BCAS3: variants seen among roughly 807,000 people sequenced by gnomAD.
BCAS3 encodes the protein BCAS4/BCAS3 fusion.
In BCAS3, 53 loss-of-function variants were observed where a neutral mutation model predicts 116.1. The observed-to-expected ratio is 0.46, with a 90% CI of 0.37 to 0.57. The LOEUF (loss-of-function observed/expected upper bound fraction) is 0.57. Ranked by LOEUF, BCAS3 falls within the 20% of genes least tolerant of loss-of-function variation. BCAS3 has a pLI of 0.00. For synonymous variants in BCAS3, 391 were observed against 408.2 expected, an observed-to-expected ratio of 0.96 and a Z score of 0.51; for missense variants, 917 against 1,165.4, an observed-to-expected ratio of 0.79 and a Z score of 3.10.
chr17:60,854,091 C>A (rs897682372), intron 7 of BCAS3, among the ~76,000 whole-genome samples: 1 of 152,074 alleles, frequency 6.6e-6, no homozygotes, highest in Non-Finnish European at 1.5e-5. Context: ...TGTTGTTCCC[C>A]TTCCTGTGTC....
intron 5 of BCAS3, among the ~76,000 whole-genome samples, chr17:60,746,640 CT>C (rs556167167): frequency 1.3e-5 from 2 of 151,824 alleles, no homozygotes; most frequent in African/African-American, 4.8e-5. Flanking sequence ...ATCCTGGCAG[CT>C]TTTTTTAGCA....
In BCAS3 at chr17:61,217,004, G is replaced by A. The variant is rs773007975; in HGVS notation, c.2425+132440G>A. Among the ~76,000 whole-genome samples, 9 of 151,810 alleles carry A rather than the reference G, an allele frequency of 5.9e-5. No homozygotes were observed. The highest frequency in any genetic ancestry group is 9.7e-5 in the African/African-American group (4 of 41,348). ...TTTCAAGTTAGCACTAGTTTTGGCC[G>A]GGTGGGGTGGCTGACACCTGTAATC... On this transcript the variant is annotated intron_variant, in intron 22 of 23. Coordinates refer to ENST00000407086, the MANE Select transcript of BCAS3 (RefSeq NM_017679.5). This position sits in a 1 kb window ranked among gnomAD's most constrained non-coding sequence, Gnocchi z 5.2.
chr17:61,044,984 T>G (rs2067911126), intron 19 of BCAS3, among the ~76,000 whole-genome samples: 1 of 151,850 alleles, frequency 6.6e-6, no homozygotes, highest in East Asian at 1.9e-4. Context: ...ACGGTCTTGA[T>G]CTCCTGACCT....
At chr17:60,703,007 G>T (rs139934568) in intron 4 of BCAS3, among the ~76,000 whole-genome samples, 6 of 152,076 alleles carry the variant, frequency 3.9e-5, no homozygotes, top group Non-Finnish European at 8.8e-5. Context: ...GGGCGCGGTG[G>T]CTCATGGCTG....
In BCAS3 at chr17:61,028,549, T is replaced by C. The variant is rs987762884; in HGVS notation, c.1638-6117T>C. Among the ~76,000 whole-genome samples, 6 of 151,868 alleles carry C rather than the reference T, an allele frequency of 4.0e-5. No individual in the cohort carries two copies. The highest frequency in any genetic ancestry group is 4.4e-5 in the Non-Finnish European group (3 of 67,822). ...CTTCTAAGTACAAAGCAAAGAGTTG[T>C]AGTATGTTAATAAAGATTGAAGTTT... On this transcript the variant is annotated intron_variant, in intron 16 of 23. Coordinates refer to ENST00000407086, the MANE Select transcript of BCAS3 (RefSeq NM_017679.5). This position sits in a 1 kb window ranked among gnomAD's most constrained non-coding sequence, Gnocchi z 4.3.
intron 5 of BCAS3, among the ~76,000 whole-genome samples, chr17:60,739,423 C>T (rs2041306024): frequency 6.6e-6 from 1 of 152,020 alleles, no homozygotes; most frequent in Non-Finnish European, 1.5e-5. Flanking sequence ...AGATCGAGAC[C>T]AGCCTGGTCA....
intron 14 of BCAS3, among the ~76,000 whole-genome samples, chr17:60,983,940 C>T (rs970221959): frequency 5.9e-5 from 9 of 152,140 alleles, no homozygotes; most frequent in Admixed American, 3.3e-4. Flanking sequence ...TGCTTTTCTA[C>T]GACTTTCATC....
intron 14 of BCAS3, among the ~76,000 whole-genome samples, chr17:60,957,351 G>A (rs1239223479): frequency 6.6e-6 from 1 of 151,988 alleles, no homozygotes; most frequent in Non-Finnish European, 1.5e-5. Flanking sequence ...TTAGATAAAT[G>A]CAAATATTTG....
At chr17:61,157,176 C>T (rs902171680) in intron 22 of BCAS3, among the ~76,000 whole-genome samples, 4 of 152,116 alleles carry the variant, frequency 2.6e-5, no homozygotes, top group African/African-American at 9.7e-5. Flanking sequence ...AAAAGATGTA[C>T]AATGTGAAGA....
chr17:61,195,684 C>T (rs370575038), intron 22 of BCAS3, among the ~76,000 whole-genome samples: 4 of 151,744 alleles, frequency 2.6e-5, no homozygotes, highest in Non-Finnish European at 5.9e-5. Flanking sequence ...CGGCCCCCCT[C>T]GTTTTTTAAA....
At chr17:61,035,783 T>C (rs1478225682) in intron 17 of BCAS3, among the ~76,000 whole-genome samples, 2 of 151,992 alleles carry the variant, frequency 1.3e-5, no homozygotes, top group Admixed American at 1.3e-4. Flanking sequence ...GTCTAATAAC[T>C]GAGATAGGTA....
intron 22 of BCAS3, among the ~76,000 whole-genome samples, chr17:61,264,058 G>A (rs1304832061): frequency 1.3e-5 from 2 of 152,150 alleles, no homozygotes; most frequent in Non-Finnish European, 2.9e-5. Flanking sequence ...TCTAGAGCCA[G>A]ACTATTCCCT....
chr17:61,241,500 A>G lies in BCAS3; in HGVS notation c.2426-126827A>G, dbSNP rs1177126708. 1.3e-5 allele frequency among the ~76,000 whole-genome samples: 2 copies of G among 151,908 alleles called. No individual in the cohort carries two copies. The highest frequency in any genetic ancestry group is 2.4e-5 in the African/African-American group (1 of 41,444). Reference sequence around the variant, plus strand: ...GCCGAGGCAGGCGGATCACGAGGTCAGGAGATCAAGACCATCCTCGCTAAC... The same window carrying G: ...GCCGAGGCAGGCGGATCACGAGGTCGGGAGATCAAGACCATCCTCGCTAAC... On this transcript the variant is annotated intron_variant, in intron 22 of 23. Transcript: ENST00000407086. The surrounding 1 kb of genome is among the most constrained non-coding windows in gnomAD (Gnocchi z 4.6).
chr17:60,946,632 G>A (rs1467699477), intron 13 of BCAS3, among the ~76,000 whole-genome samples: 2 of 152,092 alleles, frequency 1.3e-5, no homozygotes, highest in African/African-American at 4.8e-5. Flanking sequence ...GATTGTGGCT[G>A]GGCACGGTGG....
At chr17:61,001,016 A>G (rs2064200561) in intron 15 of BCAS3, among the ~76,000 whole-genome samples, 2 of 152,122 alleles carry the variant, frequency 1.3e-5, no homozygotes, top group Admixed American at 6.5e-5. Flanking sequence ...TCTTCCTGCA[A>G]TTTCCATTGA....
At position 60,678,084 on chromosome 17, in the gene BCAS3, G is replaced by A. The variant is rs186350567; in HGVS notation, c.-6+170G>A. ...CGGAGGGCGGCCGGGGGCAGCGGTG[G>A]CTCCGTGTTGGAGGTTAAGTGGGCA... On this transcript the variant is annotated intron_variant, in intron 1 of 23. Coordinates refer to ENST00000407086, the MANE Select transcript of BCAS3 (RefSeq NM_017679.5). Among the ~76,000 whole-genome samples the A allele has an allele frequency of 1.8e-3, 272 of 152,340 alleles. 2 individuals carry two copies. Among genetic ancestry groups the A allele is most frequent in the African/African-American group, 6.0e-3 (248 of 41,578 alleles).
intron 9 of BCAS3, among the ~76,000 whole-genome samples, chr17:60,887,750 C>A (rs539848109): frequency 6.6e-6 from 1 of 152,214 alleles, no homozygotes; most frequent in Non-Finnish European, 1.5e-5. Context: ...TCACAGAGAG[C>A]AGTTCAGTTT....
In BCAS3 at chr17:61,037,799, G is replaced by A. The variant is rs554622923; in HGVS notation, c.1763-90G>A. 4.2e-6 allele frequency: 5 copies of A among 1,197,728 alleles called. No homozygotes were observed. Among genetic ancestry groups the A allele is most frequent in the Admixed American group, 4.8e-5 (2 of 41,936 alleles). 74.2% of individuals were successfully genotyped at this position (1,197,728 alleles called of 1,614,324 possible). ...TCATTTTCTCTGAGCAGCCTCAGGAGCAGACTAATAAGATCATTAACTTGT... is the reference window on the plus strand; with the variant it reads ...TCATTTTCTCTGAGCAGCCTCAGGAACAGACTAATAAGATCATTAACTTGT... On this transcript the variant is annotated intron_variant, in intron 17 of 23. Coordinates refer to ENST00000407086, the MANE Select transcript of BCAS3 (RefSeq NM_017679.5). This position sits in a 1 kb window ranked among gnomAD's most constrained non-coding sequence, Gnocchi z 4.7.
intron 15 of BCAS3, among the ~76,000 whole-genome samples, chr17:61,005,948 TC>T (rs1350182215): frequency 2.6e-5 from 4 of 151,916 alleles, no homozygotes; most frequent in African/African-American, 9.7e-5. Context: ...CCCTCCCCCT[TC>T]CCCCCACTCC....
Sources: allele counts gnomAD v4.1 joint callset (sites outside exome capture counted in the v4.1 genomes callset), GRCh38; gene constraint gnomAD v4.1.1; non-coding constraint Gnocchi (gnomAD v3.1); transcripts MANE v1.5; gene names NCBI Gene and HGNC (gene_info 2026-07-23, HGNC 2026-07-21).